Variants in GPATCH2L observed in about 807,000 individuals in gnomAD.
GPATCH2L encodes the protein G patch domain-containing protein 2-like.
Under a neutral mutation model 57.4 loss-of-function variants are expected in GPATCH2L, and 31 were observed. That is an observed-to-expected ratio of 0.54 (90% confidence interval 0.41 to 0.73). The LOEUF is 0.73. Among genes scored for constraint, GPATCH2L ranks in the 30% least tolerant of loss-of-function variants. GPATCH2L has a pLI of 0.00. For synonymous variants in GPATCH2L, 199 were observed against 210.7 expected (o/e 0.94, Z 0.48); for missense variants, 481 against 599.9 (o/e 0.80, Z 2.07).
chr14:76,183,289 T>C (rs1253950220), intron 8 of GPATCH2L, among the ~76,000 whole-genome samples: 1 of 152,248 alleles, frequency 6.6e-6, no homozygotes, highest in Non-Finnish European at 1.5e-5. Flanking sequence ...TAGGGTAATA[T>C]TGCTTATTGT....
At chr14:76,227,078 G>T (rs541614922) in intron 1 of GPATCH2L, among the ~76,000 whole-genome samples, 90 of 152,282 alleles carry the variant, frequency 5.9e-4, no homozygotes, top group Middle Eastern at 6.8e-3. Context: ...ATTGCACAGG[G>T]TGCCTCCCTC....
In GPATCH2L at chr14:76,156,762, G is replaced by T. The variant is rs76401407; in HGVS notation, c.662+1737G>T. ...TCCCCTTAATTTCTTGTTAAACTAC[G>T]ACATAATTGTATGTGAGAGAGCGAC... On this transcript the variant is annotated intron_variant, in intron 2 of 9. Coordinates refer to ENST00000261530, the MANE Select transcript of GPATCH2L (RefSeq NM_017926.4). 1.4e-4 allele frequency among the ~76,000 whole-genome samples: 22 copies of T among 152,268 alleles called. No individual in the cohort carries two copies. The East Asian group carries it at 3.7e-3, about 25-fold the overall frequency.
At chr14:76,175,548 C>G (rs1484804935) in intron 5 of GPATCH2L, 1 of 152,122 alleles carries the variant, frequency 6.6e-6, no homozygotes, top group Non-Finnish European at 1.5e-5. Context: ...AATTTTTCTG[C>G]TGTAACAAAT....
chr14:76,217,991 C>G (rs962497426), downstream of GPATCH2L, among the ~76,000 whole-genome samples: 1 of 152,120 alleles, frequency 6.6e-6, no homozygotes, highest in Non-Finnish European at 1.5e-5. Flanking sequence ...AGATGAAAGA[C>G]TAATTTACCA....
intron 8 of GPATCH2L, among the ~76,000 whole-genome samples, chr14:76,181,317 C>G (rs1325126874): frequency 1.3e-5 from 2 of 152,178 alleles, no homozygotes; most frequent in East Asian, 1.9e-4. Context: ...GCACTTCTTC[C>G]CTTTGACTGG....
At chr14:76,192,034 G>GT (rs769861079) in intron 8 of GPATCH2L, among the ~76,000 whole-genome samples, 3 of 150,790 alleles carry the variant, frequency 2.0e-5, no homozygotes, top group Non-Finnish European at 4.4e-5. Context: ...AACTCAATGT[G>GT]TTTAACTTTC....
chr14:76,181,201 C>T (rs1441931237), intron 8 of GPATCH2L, among the ~76,000 whole-genome samples: 1 of 152,202 alleles, frequency 6.6e-6, no homozygotes, highest in East Asian at 1.9e-4. Context: ...GTACAGCCTC[C>T]TTTCGTATAA....
intron 2 of GPATCH2L, among the ~76,000 whole-genome samples, chr14:76,162,100 G>T (rs1203003599): frequency 2.1e-5 from 3 of 144,224 alleles, no homozygotes; most frequent in African/African-American, 7.6e-5. Context: ...CTTGGAATCT[G>T]AGAGTGACTT....
intron 9 of GPATCH2L, among the ~76,000 whole-genome samples, chr14:76,199,326 C>A (rs534025139): frequency 6.6e-6 from 1 of 151,818 alleles, no homozygotes; most frequent in South Asian, 2.1e-4. Context: ...TATCTTCAAG[C>A]AATACATTGT....
chr14:76,185,572 G>C (rs1233557532), intron 8 of GPATCH2L, among the ~76,000 whole-genome samples: 2 of 152,044 alleles, frequency 1.3e-5, no homozygotes, highest in African/African-American at 4.8e-5. Flanking sequence ...CAGTGTTTTA[G>C]TTTTCTCCAA....
chr14:76,182,223 G>T (rs1345887914), intron 8 of GPATCH2L, among the ~76,000 whole-genome samples: 1 of 152,002 alleles, frequency 6.6e-6, no homozygotes, highest in Non-Finnish European at 1.5e-5. Flanking sequence ...CAGGTGTGCT[G>T]GCGGGTGCCT....
In GPATCH2L at chr14:76,210,472, A is replaced by G. The variant is rs58129069; in HGVS notation, c.*8621A>G. On this transcript the variant is annotated 3_prime_UTR_variant, in exon 10 of 10. Coordinates refer to ENST00000261530, the MANE Select transcript of GPATCH2L (RefSeq NM_017926.4). The stretch of plus-strand genomic sequence containing the variant: ...AGTGTCTGATGAGACCTCTTTATTG[A>G]CTTGTTTGTCCTGGTGGGCTGTTTC... 1 of 151,896 alleles carries G rather than the reference A, an allele frequency of 6.6e-6. No individual in the cohort carries two copies. The highest frequency in any genetic ancestry group is 1.9e-4 in the East Asian group (1 of 5,164). The allele number at this position is 151,896 out of a possible 1,614,324, so 9.4% of individuals were successfully genotyped here.
intron 2 of GPATCH2L, among the ~76,000 whole-genome samples, 176 bp from the exon 3 acceptor site, chr14:76,166,487 T>C (rs564227032): frequency 6.6e-6 from 1 of 152,368 alleles, no homozygotes; most frequent in South Asian, 2.1e-4. Flanking sequence ...TCTCCTCTTA[T>C]ATTTCTTTTG....
At chr14:76,232,501 C>T (rs1025674450) in intron 2 of GPATCH2L, among the ~76,000 whole-genome samples, 3 of 152,158 alleles carry the variant, frequency 2.0e-5, no homozygotes, top group African/African-American at 7.2e-5. Context: ...TCGAGGTTAG[C>T]GGGAGCACAA....
intron 3 of GPATCH2L, among the ~76,000 whole-genome samples, chr14:76,168,305 G>A (rs916554661): frequency 6.6e-6 from 1 of 152,236 alleles, no homozygotes; most frequent in South Asian, 2.1e-4. Context: ...TCTTGTTGGG[G>A]TTGGCCTATA....
intron 2 of GPATCH2L, among the ~76,000 whole-genome samples, chr14:76,231,994 A>AG (rs1187400865): frequency 4.6e-5 from 7 of 152,362 alleles, no homozygotes; most frequent in Non-Finnish European, 5.9e-5. Flanking sequence ...GCCTCACTGC[A>AG]GCCTCACTGC....
At chr14:76,192,408 ACAGCGAAGATATGATGT>A (rs1297428133) in intron 8 of GPATCH2L, among the ~76,000 whole-genome samples, 3 of 152,258 alleles carry the variant, frequency 2.0e-5, no homozygotes, top group Middle Eastern at 6.8e-3. Flanking sequence ...TCATATACTG[ACAGCGAAGATATGATGT>A]TATTCTACCT....
At chr14:76,159,882 C>T (rs761802675) in intron 2 of GPATCH2L, among the ~76,000 whole-genome samples, 49 of 152,268 alleles carry the variant, frequency 3.2e-4, no homozygotes, top group Non-Finnish European at 6.2e-4. Context: ...CCTGTAATCC[C>T]GGCACTTTGG....
rs758226453 is a variant in GPATCH2L, at chr14:76,155,015, A to T, written c.652A>T (p.Met218Leu). Residue 218 changes from methionine (M) to leucine (L), a missense_variant, in exon 2 of 10, where the codon ATG becomes TTG. By Grantham distance (15) the Met-to-Leu change is conservative. This residue lies in a region of GPATCH2L where 208 missense variants were observed against 272.4 expected (regional missense o/e 0.76). Transcript: ENST00000261530. ...DEQKQGSDEN[M>L]SECETSSVCS... Reference sequence around the variant, plus strand: ...ACAAAAACAGGGCTCTGATGAGAACATGTCAGAATGGTGAGATCTCCCTTA... The same window carrying T: ...ACAAAAACAGGGCTCTGATGAGAACTTGTCAGAATGGTGAGATCTCCCTTA... 6.2e-7 allele frequency: 1 copy of T among 1,608,254 alleles called. No homozygotes were observed. Among genetic ancestry groups the T allele is most frequent in the South Asian group, 1.1e-5 (1 of 90,872 alleles).
Sources: gnomAD v4.1 joint callset for allele counts (sites outside exome capture counted in the v4.1 genomes callset) on GRCh38, gnomAD v4.1.1 for gene constraint, gnomAD v4.1.1 regional missense constraint, MANE v1.5 for transcripts, NCBI Gene and HGNC (gene_info 2026-07-23, HGNC 2026-07-21) for gene names.